ESRRG: variants seen among roughly 807,000 people sequenced by gnomAD.
The protein encoded by ESRRG is estrogen related receptor gamma, also known as estrogen-related receptor gamma.
Under a neutral mutation model 44.0 loss-of-function variants are expected in ESRRG, and 13 were observed. That is an observed-to-expected ratio of 0.30 (90% CI 0.19 to 0.47). The LOEUF is 0.47. Among genes scored for constraint, ESRRG ranks in the 20% least tolerant of loss-of-function variants. The probability of loss-of-function intolerance (pLI) is 1.00; values close to 1 mark genes in which losing one functional copy is unlikely to be tolerated. For missense variants in ESRRG, 395 were observed against 580.6 expected (o/e 0.68, Z 3.29); for synonymous variants, 215 against 214.6 (o/e 1.00, Z -0.02).
intron 2 of ESRRG, among the ~76,000 whole-genome samples, chr1:216,662,112 G>T (rs972679406): frequency 2.6e-5 from 4 of 152,056 alleles, no homozygotes; most frequent in Non-Finnish European, 5.9e-5. Flanking sequence ...AGTGAGTATT[G>T]ATTATAATAT....
chr1:216,548,221 C>A (rs1013758062), intron 5 of ESRRG, among the ~76,000 whole-genome samples: 4 of 152,024 alleles, frequency 2.6e-5, no homozygotes, highest in African/African-American at 7.2e-5. Context: ...TGCCTGCCCA[C>A]CTGTATGGCA....
chr1:216,749,691 G>T (rs936709699), intron 2 of ESRRG, among the ~76,000 whole-genome samples: 1 of 152,046 alleles, frequency 6.6e-6, no homozygotes, highest in African/African-American at 2.4e-5. Context: ...CTTTAAAAAA[G>T]TTTCCAGTCC....
intron 2 of ESRRG, among the ~76,000 whole-genome samples, chr1:216,854,835 A>T (rs1484690546): frequency 4.0e-5 from 6 of 151,674 alleles, no homozygotes; most frequent in African/African-American, 1.5e-4. Flanking sequence ...AGAAAAAAAA[A>T]TTTTGACAAA....
Position 216,677,317 on chromosome 1 carries a change from G to T in ESRRG, c.231C>A (p.Asn77Lys), listed in dbSNP as rs760228315. 4 of 1,614,156 alleles carry T rather than the reference G, an allele frequency of 2.5e-6. No homozygotes were observed. Among genetic ancestry groups the T allele is most frequent in the East Asian group, 2.2e-5 (1 of 44,866 alleles). ...SYSSTMNGHQ[N>K]GLDSPPLYPS... ...GGTAGAGAGGTGGCGAGTCAAGTCC[G>T]TTCTGATGGCCATTCATGGTTGAAC... Residue 77 changes from asparagine (N) to lysine (K), a missense_variant, in exon 2 of 7, where the codon AAC becomes AAA. Asn to Lys is a moderately conservative substitution (Grantham distance 94). This residue lies in a region of ESRRG where 148 missense variants were observed against 150.4 expected (regional missense o/e 0.98). Transcript: ENST00000408911.
At chr1:216,567,240 A>G (rs1312660014) in intron 4 of ESRRG, among the ~76,000 whole-genome samples, 1 of 152,204 alleles carries the variant, frequency 6.6e-6, no homozygotes, top group Admixed American at 6.5e-5. Context: ...CACTACAACT[A>G]TTAACTGATT....
chr1:216,960,347 C>T (rs2576221), intron 1 of ESRRG, among the ~76,000 whole-genome samples: 78,338 of 151,922 alleles, frequency 0.52, 21,917 homozygotes, highest in Middle Eastern at 0.7. Flanking sequence ...CCTGTGGACC[C>T]TTCCTCAATT....
intron 1 of ESRRG, among the ~76,000 whole-genome samples, chr1:217,030,326 C>T (rs1466638625): frequency 6.6e-6 from 1 of 152,126 alleles, no homozygotes; most frequent in African/African-American, 2.4e-5. Context: ...AGACACTGAG[C>T]CACGCATGGG....
chr1:216,523,743 T>C (rs575089406), intron 5 of ESRRG, among the ~76,000 whole-genome samples: 1 of 151,904 alleles, frequency 6.6e-6, no homozygotes, highest in East Asian at 1.9e-4. Flanking sequence ...TTTCTTGAAA[T>C]AGAGAGCAAG....
intron 2 of ESRRG, among the ~76,000 whole-genome samples, chr1:216,873,987 G>C (rs1162793758): frequency 1.8e-5 from 2 of 111,536 alleles, no homozygotes; most frequent in Admixed American, 9.0e-5. Context: ...GGGAGGGAGG[G>C]GGAAGGAGGG....
intron 1 of ESRRG, among the ~76,000 whole-genome samples, chr1:217,113,712 A>C (rs1051623331): frequency 1.3e-5 from 2 of 152,146 alleles, no homozygotes; most frequent in African/African-American, 4.8e-5. Flanking sequence ...AATCTGGGCC[A>C]GGCACAGTGG....
intron 3 of ESRRG, among the ~76,000 whole-genome samples, chr1:216,645,231 T>C (rs6604640): frequency 0.83 from 126,173 of 152,016 alleles, 52,597 homozygotes; most frequent in Middle Eastern, 0.86. Flanking sequence ...TGAAAAGCAT[T>C]AGAAGAATTT....
chr1:216,672,142 A>G (rs2075316007), intron 2 of ESRRG, among the ~76,000 whole-genome samples: 1 of 152,192 alleles, frequency 6.6e-6, no homozygotes, highest in African/African-American at 2.4e-5. Flanking sequence ...GAATAACAAT[A>G]TCACATCCCC....
At chr1:217,103,235 A>G (rs1039536574) in intron 1 of ESRRG, among the ~76,000 whole-genome samples, 1 of 152,126 alleles carries the variant, frequency 6.6e-6, no homozygotes, top group Non-Finnish European at 1.5e-5. Context: ...TCCGTCAGTC[A>G]ACCTTGGTAC....
chr1:216,650,407 A>G (rs2151045920), intron 3 of ESRRG, among the ~76,000 whole-genome samples: 1 of 152,276 alleles, frequency 6.6e-6, no homozygotes, highest in Non-Finnish European at 1.5e-5. Flanking sequence ...ACCAATTATA[A>G]ACTGTGTGAG....
intron 3 of ESRRG, among the ~76,000 whole-genome samples, chr1:216,633,019 T>A (rs2064552344): frequency 6.6e-6 from 1 of 152,224 alleles, no homozygotes; most frequent in Admixed American, 6.5e-5. Flanking sequence ...CAAATTGAGC[T>A]ATCCTCAACA....
intron 5 of ESRRG, among the ~76,000 whole-genome samples, chr1:216,520,025 A>G (rs947081824): frequency 5.9e-5 from 9 of 152,070 alleles, no homozygotes; most frequent in African/African-American, 1.4e-4. Context: ...TTCTTTTAAA[A>G]TTAGTGATAA....
intron 2 of ESRRG, among the ~76,000 whole-genome samples, chr1:216,783,805 G>C (rs1272812281): frequency 2.0e-5 from 3 of 151,978 alleles, no homozygotes; most frequent in Non-Finnish European, 4.4e-5. Context: ...GCTTTGTCCT[G>C]ACTCTTCCGA....
chr1:217,126,243 C>T (rs548357585), intron 1 of ESRRG, among the ~76,000 whole-genome samples: 19 of 152,202 alleles, frequency 1.2e-4, no homozygotes, highest in East Asian at 5.8e-4. Context: ...CCACCCACCC[C>T]GTAGCACCAT....
chr1:217,132,477 T>C (rs1326249166), intron 1 of ESRRG, among the ~76,000 whole-genome samples: 1 of 152,188 alleles, frequency 6.6e-6, no homozygotes, highest in Non-Finnish European at 1.5e-5. Flanking sequence ...CTCATAAAGT[T>C]ATCTTGGTCT....
Sources: allele counts gnomAD v4.1 joint callset (sites outside exome capture counted in the v4.1 genomes callset), GRCh38; gene constraint gnomAD v4.1.1; regional missense constraint gnomAD v4.1.1; transcripts MANE v1.5; gene names NCBI Gene and HGNC (gene_info 2026-07-23, HGNC 2026-07-21).